The following KCNIP4 variants were observed in gnomAD, a reference collection of about 807,000 sequenced individuals.
KCNIP4 encodes Kv channel-interacting protein 4.
KCNIP4 carries 12 observed loss-of-function variants against 34.0 expected under a neutral mutation model. That is an observed-to-expected ratio of 0.35 (90% CI 0.23 to 0.57). The LOEUF (loss-of-function observed/expected upper bound fraction) is 0.57. Ranked by LOEUF, KCNIP4 falls within the 20% of genes least tolerant of loss-of-function variation. The pLI, the probability that KCNIP4 is intolerant of heterozygous loss-of-function variation, is 0.83. For synonymous variants in KCNIP4, 124 were observed against 102.2 expected, an observed-to-expected ratio of 1.21 and a Z score of -1.29; for missense variants, 238 against 311.7, an observed-to-expected ratio of 0.76 and a Z score of 1.78.
chr4:21,575,649 T>C (rs1740696076), intron 1 of KCNIP4, among the ~76,000 whole-genome samples: 1 of 152,200 alleles, frequency 6.6e-6, no homozygotes. Context: ...CATCTCTGAA[T>C]TTATTGTACT....
rs181931865 is a variant in KCNIP4, at chr4:20,783,729, T to C, written c.289-24839A>G. On this transcript the variant is annotated intron_variant, in intron 3 of 8. Coordinates refer to ENST00000382152, the MANE Select transcript of KCNIP4 (RefSeq NM_025221.6). The stretch of plus-strand genomic sequence containing the variant: ...ACTGAACTAGGGCTCTACCATTAAG[T>C]AAGCACACAGAAATACAAAGTTCAA... Among the ~76,000 whole-genome samples the C allele has an allele frequency of 9.9e-5, 15 of 152,256 alleles. No homozygotes were observed. The East Asian group carries it at 2.7e-3, about 27-fold the overall frequency.
At chr4:21,899,738 G>A (rs1237290733) in intron 1 of KCNIP4, among the ~76,000 whole-genome samples, 4 of 151,852 alleles carry the variant, frequency 2.6e-5, no homozygotes, top group Admixed American at 6.6e-5. Flanking sequence ...ATTAAAGAAA[G>A]GAAGGAACTC....
chr4:21,677,969 C>G (rs1038147042), intron 1 of KCNIP4, among the ~76,000 whole-genome samples: 33 of 152,268 alleles, frequency 2.2e-4, no homozygotes, highest in African/African-American at 7.9e-4. Context: ...CCAGCCTGGT[C>G]TTGAACTCCT....
At chr4:21,386,920 A>G (rs1286149773) in intron 1 of KCNIP4, among the ~76,000 whole-genome samples, 1 of 152,186 alleles carries the variant, frequency 6.6e-6, no homozygotes, top group African/African-American at 2.4e-5. Context: ...AGCTCTACAC[A>G]TACTATCCTT....
At chr4:21,076,389 C>T (rs1745489277) in intron 1 of KCNIP4, among the ~76,000 whole-genome samples, 1 of 152,050 alleles carries the variant, frequency 6.6e-6, no homozygotes, top group African/African-American at 2.4e-5. Context: ...TAGCCTGTGC[C>T]ACAAAATTAG....
At position 21,829,818 on chromosome 4, in the gene KCNIP4, T is replaced by TA. The variant is rs556687102; in HGVS notation, c.61+118752dup. Among the ~76,000 whole-genome samples, 507 of 152,148 alleles carry TA rather than the reference T, an allele frequency of 3.3e-3. 2 individuals carry two copies. Among genetic ancestry groups the TA allele is most frequent in the Middle Eastern group, 0.01 (3 of 294 alleles). On this transcript the variant is annotated intron_variant, in intron 1 of 8. Coordinates refer to ENST00000382152, the MANE Select transcript of KCNIP4 (RefSeq NM_025221.6). ...AATTGTTTTAAATGACAGTAGTTTT[T>TA]ATCTATCAATAAGTATTTTGAATTG...
chr4:21,151,405 AATTTTTT>A (rs1752744104), intron 1 of KCNIP4, among the ~76,000 whole-genome samples: 1 of 93,510 alleles, frequency 1.1e-5, no homozygotes, highest in Non-Finnish European at 2.1e-5. Context: ...AACAAAAGAC[AATTTTTT>A]TTTTTTTTTT....
intron 1 of KCNIP4, among the ~76,000 whole-genome samples, chr4:21,793,654 C>T (rs28405202): frequency 0.017 from 2,606 of 152,262 alleles, 62 homozygotes; most frequent in African/African-American, 0.059. Context: ...ATAAATACCA[C>T]CTGAATCCTC....
intron 1 of KCNIP4, among the ~76,000 whole-genome samples, chr4:21,016,488 G>C (rs1234726269): frequency 1.3e-5 from 2 of 151,828 alleles, no homozygotes; most frequent in African/African-American, 4.8e-5. Context: ...GTAGAGATAG[G>C]GTTTCACCGT....
In KCNIP4 at chr4:21,854,717, T is replaced by C. The variant is rs542602426; in HGVS notation, c.61+93854A>G. 4.2e-3 allele frequency among the ~76,000 whole-genome samples: 639 copies of C among 152,284 alleles called. 6 individuals are homozygous for C. Among genetic ancestry groups the C allele is most frequent in the African/African-American group, 0.015 (616 of 41,560 alleles). On this transcript the variant is annotated intron_variant, in intron 1 of 8. Coordinates refer to ENST00000382152, the MANE Select transcript of KCNIP4 (RefSeq NM_025221.6). ...GACTCCTAAACCATATTCTAAGCGA[T>C]TGTGTTGAGCCTTGACATCTCTTTT... is the stretch of plus-strand genomic sequence containing the variant.
intron 1 of KCNIP4, among the ~76,000 whole-genome samples, chr4:21,790,390 T>A (rs562661274): frequency 1.3e-5 from 2 of 152,292 alleles, no homozygotes; most frequent in East Asian, 1.9e-4. Context: ...TTGTATCTTG[T>A]GTTTAGAGTA....
intron 3 of KCNIP4, among the ~76,000 whole-genome samples, chr4:20,840,941 C>T (rs192916281): frequency 2.2e-4 from 33 of 152,232 alleles, no homozygotes; most frequent in African/African-American, 6.3e-4. Flanking sequence ...ACACAGGACA[C>T]GAATAATCTA....
chr4:20,990,140 A>G (rs959742185), intron 1 of KCNIP4, among the ~76,000 whole-genome samples: 2 of 152,114 alleles, frequency 1.3e-5, no homozygotes, highest in African/African-American at 2.4e-5. Context: ...GTCTCTTCAC[A>G]CTGTAAGATT....
chr4:20,974,055 G>T (rs1735243414), intron 1 of KCNIP4, among the ~76,000 whole-genome samples: 1 of 152,142 alleles, frequency 6.6e-6, no homozygotes, highest in South Asian at 2.1e-4. Flanking sequence ...TTGGAAAAAT[G>T]GCACCAAAAG....
intron 1 of KCNIP4, among the ~76,000 whole-genome samples, chr4:21,922,813 A>C (rs1023330491): frequency 3.9e-5 from 6 of 152,224 alleles, no homozygotes; most frequent in African/African-American, 1.4e-4. Context: ...TGAGCTCTAT[A>C]AGCTACAAGG....
chr4:21,246,914 AAATAT>A (rs1285426863), intron 1 of KCNIP4, among the ~76,000 whole-genome samples: 1 of 152,198 alleles, frequency 6.6e-6, no homozygotes, highest in Non-Finnish European at 1.5e-5. Flanking sequence ...GCAATTATGA[AAATAT>A]AATAAGTAAT....
intron 1 of KCNIP4, among the ~76,000 whole-genome samples, chr4:20,960,541 C>T (rs1303816148): frequency 6.6e-6 from 1 of 152,190 alleles, no homozygotes; most frequent in Non-Finnish European, 1.5e-5. Flanking sequence ...AAATATTTCA[C>T]CTCATGCACA....
intron 3 of KCNIP4, among the ~76,000 whole-genome samples, chr4:20,782,535 G>A (rs541668923): frequency 6.6e-6 from 1 of 152,148 alleles, no homozygotes; most frequent in Non-Finnish European, 1.5e-5. Flanking sequence ...CATGGAAGCT[G>A]CCAGGGCTTA....
intron 2 of KCNIP4, among the ~76,000 whole-genome samples, chr4:20,853,632 A>T (rs573810043): frequency 5.3e-5 from 8 of 152,282 alleles, no homozygotes; most frequent in African/African-American, 1.9e-4. Flanking sequence ...AGCAATAAAA[A>T]CAAAGATAAA....
Sources: allele counts gnomAD v4.1 joint callset (sites outside exome capture counted in the v4.1 genomes callset), GRCh38; gene constraint gnomAD v4.1.1; transcripts MANE v1.5; gene names NCBI Gene and HGNC (gene_info 2026-07-23, HGNC 2026-07-21).